Variants in PLD5 observed in about 807,000 individuals in gnomAD.
The protein encoded by PLD5 is phospholipase D family member 5, also known as inactive phospholipase D5.
A neutral mutation model predicts 61.1 loss-of-function variants in PLD5; 36 were observed. That is an observed-to-expected ratio of 0.59 (90% CI 0.45 to 0.78). The LOEUF (loss-of-function observed/expected upper bound fraction) is 0.78, where lower values mean the gene tolerates loss of function less well. PLD5 is among the 30% of genes least tolerant of loss of function. PLD5 has a pLI of 0.00. For synonymous variants in PLD5, 243 were observed against 242.8 expected (o/e 1.00, Z -0.01); for missense variants, 515 against 644.4 (o/e 0.80, Z 2.17).
In PLD5 at chr1:242,290,786, C is replaced by A. The variant is rs372315090; in HGVS notation, c.327-2256G>T. On this transcript the variant is annotated intron_variant, in intron 2 of 9. Transcript: ENST00000536534. Reference sequence around the variant, plus strand: ...TGAGGACACAGATTTTCTTGCAAAACCAACATATTGTCTCTTAATTGGGCT... The same window carrying A: ...TGAGGACACAGATTTTCTTGCAAAAACAACATATTGTCTCTTAATTGGGCT... Among the ~76,000 whole-genome samples, 732 of 151,104 alleles carry A rather than the reference C, an allele frequency of 4.8e-3. 7 individuals are homozygous for A. Among genetic ancestry groups the A allele is most frequent in the African/African-American group, 0.017 (688 of 41,142 alleles).
chr1:242,107,735 G>T lies in PLD5; in HGVS notation c.1175C>A (p.Thr392Lys), dbSNP rs374568175. 9 of 1,611,366 alleles carry T rather than the reference G, an allele frequency of 5.6e-6. No homozygotes were observed. The highest frequency in any genetic ancestry group is 7.6e-6 in the Non-Finnish European group (9 of 1,179,444). ...LSFWKETDPL[T>K]FNFISSLKAI... ...TTTAAGAGATGAAATAAAGTTAAAC[G>T]TAAGGGGATCAGTTTCCTTCCAGAA... The change falls in exon 8 of 10, where the codon ACG (threonine) becomes AAG (lysine). Residue 392 changes from threonine to lysine, a missense_variant. By Grantham distance (78) the Thr-to-Lys change is moderately conservative. Around this residue, in one of 2 missense-constraint regions of PLD5, gnomAD observed 450 missense variants for 598.1 expected, o/e 0.75. Coordinates refer to ENST00000536534, the MANE Select transcript of PLD5 (RefSeq NM_001372062.1).
At chr1:242,358,004 T>C (rs1328562584) in intron 1 of PLD5, among the ~76,000 whole-genome samples, 1 of 152,200 alleles carries the variant, frequency 6.6e-6, no homozygotes, top group Admixed American at 6.5e-5. Flanking sequence ...TTTCTTCAGT[T>C]TGATCAAGCA....
intron 3 of PLD5, among the ~76,000 whole-genome samples, chr1:242,283,482 C>G (rs997842480): frequency 4.6e-5 from 7 of 152,180 alleles, no homozygotes; most frequent in Non-Finnish European, 1.0e-4. Context: ...CCATTTAGGA[C>G]TTTTCTGGCT....
intron 8 of PLD5, among the ~76,000 whole-genome samples, chr1:242,103,715 A>G (rs906919998): frequency 6.6e-6 from 1 of 152,184 alleles, no homozygotes; most frequent in Non-Finnish European, 1.5e-5. Flanking sequence ...TGGTTGTTTC[A>G]TTTATTTGAA....
chr1:242,193,546 G>T (rs1668417570), intron 5 of PLD5, among the ~76,000 whole-genome samples: 1 of 152,192 alleles, frequency 6.6e-6, no homozygotes, highest in Non-Finnish European at 1.5e-5. Flanking sequence ...ACTACTTCTG[G>T]CATTGAGACA....
At chr1:242,108,802 T>C (rs1389915419) in intron 7 of PLD5, among the ~76,000 whole-genome samples, 2 of 152,184 alleles carry the variant, frequency 1.3e-5, no homozygotes, top group African/African-American at 2.4e-5. Flanking sequence ...GTCATGATCA[T>C]TGCACCTCTA....
intron 1 of PLD5, among the ~76,000 whole-genome samples, chr1:242,505,840 C>T (rs2102995067): frequency 6.6e-6 from 1 of 152,320 alleles, no homozygotes; most frequent in East Asian, 1.9e-4. Flanking sequence ...ACCTCCTTCA[C>T]CCACTGCCAC....
At chr1:242,475,166 C>G (rs1262391922) in intron 1 of PLD5, among the ~76,000 whole-genome samples, 1 of 152,202 alleles carries the variant, frequency 6.6e-6, no homozygotes, top group Admixed American at 6.5e-5. Context: ...CATAGAGATG[C>G]ATGTGCGTGT....
chr1:242,315,771 T>C (rs557870784), intron 2 of PLD5, among the ~76,000 whole-genome samples: 3 of 152,314 alleles, frequency 2.0e-5, no homozygotes, highest in African/African-American at 7.2e-5. Flanking sequence ...ACTCCTTTAA[T>C]TTTTTGATGC....
intron 2 of PLD5, among the ~76,000 whole-genome samples, chr1:242,333,734 G>A (rs1297429306): frequency 1.3e-5 from 2 of 152,056 alleles, no homozygotes; most frequent in African/African-American, 2.4e-5. Flanking sequence ...TCCCACATAT[G>A]AGTGAGAACA....
chr1:242,419,672 C>T (rs969145683), intron 1 of PLD5, among the ~76,000 whole-genome samples: 3 of 150,338 alleles, frequency 2.0e-5, no homozygotes, highest in East Asian at 2.0e-4. Flanking sequence ...CTCGGCCTCC[C>T]GAAGTGCTGG....
intron 1 of PLD5, among the ~76,000 whole-genome samples, chr1:242,462,534 T>C (rs2102938924): frequency 6.6e-6 from 1 of 150,958 alleles, no homozygotes; most frequent in African/African-American, 2.4e-5. Flanking sequence ...GGTGACGGGA[T>C]CCATACTCCA....
At chr1:242,167,488 C>T (rs1010226132) in intron 5 of PLD5, among the ~76,000 whole-genome samples, 1 of 152,170 alleles carries the variant, frequency 6.6e-6, no homozygotes. Flanking sequence ...GATTCAATTA[C>T]CTCCCACCAG....
At chr1:242,388,620 T>C (rs1199471633) in intron 1 of PLD5, among the ~76,000 whole-genome samples, 1 of 152,092 alleles carries the variant, frequency 6.6e-6, no homozygotes, top group Non-Finnish European at 1.5e-5. Context: ...GGTGATGCTG[T>C]TCTTGCTAAT....
intron 1 of PLD5, among the ~76,000 whole-genome samples, chr1:242,456,803 C>A (rs1387529110): frequency 3.9e-5 from 6 of 152,202 alleles, no homozygotes; most frequent in Admixed American, 3.9e-4. Flanking sequence ...GGAACACAGA[C>A]CTGGAGTCCA....
At chr1:242,385,099 G>C (rs1470390900) in intron 1 of PLD5, among the ~76,000 whole-genome samples, 1 of 152,136 alleles carries the variant, frequency 6.6e-6, no homozygotes, top group African/African-American at 2.4e-5. Flanking sequence ...GGGACACTTT[G>C]AGTAGCAAAA....
intron 2 of PLD5, among the ~76,000 whole-genome samples, chr1:242,343,106 A>G (rs1659935231): frequency 6.6e-6 from 1 of 152,082 alleles, no homozygotes; most frequent in South Asian, 2.1e-4. Flanking sequence ...TTAAAGTACT[A>G]TATTTAAGAA....
At chr1:242,147,279 A>G (rs1664607626) in intron 5 of PLD5, among the ~76,000 whole-genome samples, 1 of 152,176 alleles carries the variant, frequency 6.6e-6, no homozygotes, top group Admixed American at 6.5e-5. Context: ...AGCCCTTGGT[A>G]TCCTGCTTCT....
chr1:242,126,452 T>C (rs900614053), intron 5 of PLD5, among the ~76,000 whole-genome samples: 6 of 152,306 alleles, frequency 3.9e-5, no homozygotes, highest in Admixed American at 6.5e-5. Context: ...GTTACTGGTA[T>C]AAAAATAGGC....
Sources: gnomAD v4.1 joint callset for allele counts (sites outside exome capture counted in the v4.1 genomes callset) on GRCh38, gnomAD v4.1.1 for gene constraint, gnomAD v4.1.1 regional missense constraint, MANE v1.5 for transcripts, NCBI Gene and HGNC (gene_info 2026-07-23, HGNC 2026-07-21) for gene names.